The following MGAM2 variants were observed in gnomAD, a reference collection of about 807,000 sequenced individuals.
MGAM2 encodes probable maltase-glucoamylase 2.
Under a neutral mutation model 96.1 loss-of-function variants are expected in MGAM2, and 98 were observed. That is an observed-to-expected ratio of 1.02 (90% CI 0.87 to 1.21). MGAM2 has a LOEUF of 1.21. MGAM2 is among the 50% of genes most tolerant of loss of function. The probability of loss-of-function intolerance (pLI) is 0.00; values close to 1 mark genes in which losing one functional copy is unlikely to be tolerated. For synonymous variants in MGAM2, 749 were observed against 414.8 expected (o/e 1.81, Z -9.79); for missense variants, 2,055 against 1,182.4 (o/e 1.74, Z -10.82).
chr7:142,196,630 C>T, intron 39 of MGAM2, 31 bp downstream of exon 39: 1 of 736,710 alleles, frequency 1.4e-6, no homozygotes, highest in Non-Finnish European at 2.5e-6. Flanking sequence ...TACTAATTGC[C>T]CAGTCAGATT....
At chr7:142,204,270 A>G (rs1202641237) in intron 45 of MGAM2, among the ~76,000 whole-genome samples, 1 of 151,912 alleles carries the variant, frequency 6.6e-6, no homozygotes, top group African/African-American at 2.4e-5. Flanking sequence ...AATTTCTCCT[A>G]ACAGTTTATG....
chr7:142,174,715 C>CTCTTTTTTTTT (rs1194981898), intron 31 of MGAM2, among the ~76,000 whole-genome samples: 125 of 85,442 alleles, frequency 1.5e-3, no homozygotes, highest in African/African-American at 6.6e-3. Context: ...CTCTCTCTCT[C>CTCTTTTTTTTT]TTTTTTTTTT....
intron 37 of MGAM2, among the ~76,000 whole-genome samples, chr7:142,193,380 G>C (rs574596724): frequency 1.3e-5 from 2 of 152,176 alleles, no homozygotes; most frequent in African/African-American, 4.8e-5. Context: ...CTGGGGAGAA[G>C]ACCATGTCTT....
intron 6 of MGAM2, among the ~76,000 whole-genome samples, chr7:142,133,376 G>A (rs1431491953): frequency 6.7e-6 from 1 of 149,448 alleles, no homozygotes; most frequent in African/African-American, 2.5e-5. Context: ...GTAAAATAGG[G>A]GATTTTATTG....
intron 3 of MGAM2, among the ~76,000 whole-genome samples, chr7:142,126,800 T>C (rs1794744703): frequency 6.6e-6 from 1 of 152,136 alleles, no homozygotes; most frequent in Admixed American, 6.6e-5. Flanking sequence ...AACCCTTAGA[T>C]TGATTGATTT....
intron 41 of MGAM2, 26 bp downstream of exon 41, chr7:142,197,574 A>C: frequency 1.4e-6 from 1 of 703,100 alleles, no homozygotes; most frequent in Admixed American, 2.0e-5. Flanking sequence ...TTCCCCAAGC[A>C]TGTCTTGCAA....
chr7:142,164,498 G>A (rs547235530), intron 23 of MGAM2, among the ~76,000 whole-genome samples: 12 of 151,974 alleles, frequency 7.9e-5, no homozygotes, highest in Admixed American at 6.6e-4. Flanking sequence ...GGGCCCTTTT[G>A]GTGTATATGT....
At chr7:142,123,713 T>C (rs1794651471) in intron 3 of MGAM2, among the ~76,000 whole-genome samples, 1 of 152,114 alleles carries the variant, frequency 6.6e-6, no homozygotes, top group Non-Finnish European at 1.5e-5. Flanking sequence ...TAGTCTATGG[T>C]TTGTCTTTTA....
At chr7:142,183,949 CCTTTTTTTT>C (rs1563281538) in intron 33 of MGAM2, among the ~76,000 whole-genome samples, 2 of 83,196 alleles carry the variant, frequency 2.4e-5, no homozygotes, top group Non-Finnish European at 5.2e-5. Context: ...ATTCCAGGCT[CCTTTTTTTT>C]TTTTTTTTTT....
intron 1 of MGAM2, among the ~76,000 whole-genome samples, chr7:142,113,599 G>T (rs1817250332): frequency 3.9e-5 from 6 of 152,066 alleles, no homozygotes; most frequent in Admixed American, 3.9e-4. Context: ...GGCCAAATTG[G>T]CAGGAACTGG....
At position 142,114,147 on chromosome 7, in the gene MGAM2, A is replaced by G. The variant is rs1048386609; in HGVS notation, c.-1+2340A>G. On this transcript the variant is annotated intron_variant, in intron 1 of 47. Transcript: ENST00000477922. ...CTCCATCTCAAAAAAAGAAAGAAAGAAAGAAGGAAAGAAAGAAAGAAAGAA... is the reference window on the plus strand; with the variant it reads ...CTCCATCTCAAAAAAAGAAAGAAAGGAAGAAGGAAAGAAAGAAAGAAAGAA... 6.6e-5 allele frequency among the ~76,000 whole-genome samples: 8 copies of G among 121,484 alleles called. No homozygotes were observed. In the South Asian group the frequency reaches 2.4e-3, roughly 37 times the overall value. 79.7% of individuals were successfully genotyped at this position (121,484 alleles called of 152,430 possible).
chr7:142,132,376 T>C (rs1016256887), intron 6 of MGAM2, among the ~76,000 whole-genome samples: 13 of 143,358 alleles, frequency 9.1e-5, no homozygotes, highest in Non-Finnish European at 1.8e-4. Flanking sequence ...TAATTACATA[T>C]ATAATTTATA....
At position 142,144,877 on chromosome 7, in the gene MGAM2, C is replaced by T. The variant is rs1585159974; in HGVS notation, c.1448C>T (p.Ser483Phe). ...DGVWIEMNEV[S>F]SLLQASNNQC... ...TCTTTGAAGGAAATGAATGAAGTATCTAGCTTACTCCAAGCTTCTAATAAC... is the reference window on the plus strand; with the variant it reads ...TCTTTGAAGGAAATGAATGAAGTATTTAGCTTACTCCAAGCTTCTAATAAC... The change falls in exon 14 of 48, where the codon TCT becomes TTT. Residue 483 changes from serine to phenylalanine, a missense_variant. Ser to Phe is a radical substitution (Grantham distance 155). Transcript: ENST00000477922. The T allele has an allele frequency of 4.3e-6, 3 of 702,612 alleles. No individual in the cohort carries two copies. The highest frequency in any genetic ancestry group is 3.5e-5 in the African/African-American group (2 of 57,350). The allele number at this position is 702,612 out of a possible 1,614,324, so 43.5% of individuals were successfully genotyped here.
chr7:142,172,252 T>G, intron 29 of MGAM2, 58 bp downstream of exon 29: 1 of 660,486 alleles, frequency 1.5e-6, no homozygotes, highest in Non-Finnish European at 2.8e-6. Context: ...CGCTCTATTT[T>G]GACCTGGTAT....
In MGAM2 at chr7:142,114,182, GA is replaced by G. The variant is rs1414821105; in HGVS notation, c.-1+2378del. ...AGAAAGAAAGAAAGAAAGAAAGAAAGAAAGAAAGAAAGAAAGAAAGAAAGAA... is the reference window on the plus strand; with the variant it reads ...AGAAAGAAAGAAAGAAAGAAAGAAAGAAGAAAGAAAGAAAGAAAGAAAGAA... On this transcript the variant is annotated intron_variant, in intron 1 of 47. Coordinates refer to ENST00000477922, the MANE Select transcript of MGAM2 (RefSeq NM_001293626.2). Among the ~76,000 whole-genome samples, 4 of 129,552 alleles carry G rather than the reference GA, an allele frequency of 3.1e-5. No individual in the cohort carries two copies. The East Asian group carries it at 6.3e-4, about 21-fold the overall frequency. 85.0% of individuals were successfully genotyped at this position (129,552 alleles called of 152,430 possible).
intron 2 of MGAM2, among the ~76,000 whole-genome samples, chr7:142,117,590 C>T (rs1817456659): frequency 6.6e-6 from 1 of 152,164 alleles, no homozygotes; most frequent in Admixed American, 6.5e-5. Flanking sequence ...GACAAGCTCA[C>T]TTTACAGATG....
Position 142,196,555 on chromosome 7 carries a change from C to G in MGAM2, c.4481-10C>G. Reference sequence around the variant, plus strand: ...CCTTCCTCCAACACAGCTGTGTCTTCTCTTTGCAGGCATGATGGAGTTCAG... The same window carrying G: ...CCTTCCTCCAACACAGCTGTGTCTTGTCTTTGCAGGCATGATGGAGTTCAG... On this transcript the variant is annotated splice_polypyrimidine_tract_variant and intron_variant, in intron 38 of 47. Coordinates refer to ENST00000477922, the MANE Select transcript of MGAM2 (RefSeq NM_001293626.2). The G allele has an allele frequency of 1.4e-6, 1 of 717,244 alleles. No individual in the cohort carries two copies. Among genetic ancestry groups the G allele is most frequent in the Non-Finnish European group, 2.6e-6 (1 of 390,956 alleles). 44.4% of individuals were successfully genotyped at this position (717,244 alleles called of 1,614,324 possible).
chr7:142,219,363 A>G (rs1797854653), intron 47 of MGAM2, among the ~76,000 whole-genome samples: 1 of 152,200 alleles, frequency 6.6e-6, no homozygotes, highest in East Asian at 1.9e-4. Flanking sequence ...TTTACCTTAA[A>G]GCATTTTACC....
At position 142,221,478 on chromosome 7, in the gene MGAM2, A is replaced by G. The variant is rs1797925730; in HGVS notation, c.6967A>G (p.Thr2323Ala). ...TTTGAGCATGTTTCCAACAAGTAAT[A>G]CATTCACTACTGATAAAATTACTAA... ...SILSMFPTSN[T>A]FTTDKITNFT... Residue 2323 changes from threonine to alanine, a missense_variant, in exon 48 of 48, where the codon ACA (threonine) becomes GCA (alanine). Transcript: ENST00000477922. 3.6e-6 allele frequency: 2 copies of G among 560,726 alleles called. No individual in the cohort carries two copies. The allele number at this position is 560,726 out of a possible 1,614,324, so 34.7% of individuals were successfully genotyped here.
Sources: allele counts gnomAD v4.1 joint callset (sites outside exome capture counted in the v4.1 genomes callset), GRCh38; gene constraint gnomAD v4.1.1; transcripts MANE v1.5; gene names NCBI Gene and HGNC (gene_info 2026-07-23, HGNC 2026-07-21).